Variants in SGCD observed in about 807,000 individuals in gnomAD.
SGCD encodes the protein delta-sarcoglycan.
SGCD carries 18 observed loss-of-function variants against 36.6 expected under a neutral mutation model. That is an observed-to-expected ratio of 0.49 (90% CI 0.34 to 0.73). The LOEUF (loss-of-function observed/expected upper bound fraction) is 0.73. Among genes scored for constraint, SGCD ranks in the 30% least tolerant of loss-of-function variants. The pLI is 0.01. For missense variants in SGCD, 387 were observed against 346.7 expected (o/e 1.12, Z -0.92); for synonymous variants, 133 against 130.6 (o/e 1.02, Z -0.12).
intron 3 of SGCD, among the ~76,000 whole-genome samples, chr5:156,346,820 C>T (rs547757336): frequency 1.7e-4 from 25 of 151,004 alleles, no homozygotes; most frequent in Admixed American, 5.9e-4. Context: ...TTTTGTGAGA[C>T]GGAGTCTTGC....
At chr5:156,653,942 G>A (rs1170287695) in intron 7 of SGCD, among the ~76,000 whole-genome samples, 1 of 152,052 alleles carries the variant, frequency 6.6e-6, no homozygotes, top group Non-Finnish European at 1.5e-5. Context: ...AGCAAAAGTG[G>A]TCCATTCTTC....
intron 1 of SGCD, among the ~76,000 whole-genome samples, chr5:156,027,069 A>AG: frequency 6.6e-6 from 1 of 152,138 alleles, no homozygotes; most frequent in African/African-American, 2.4e-5. Context: ...CTTGCTGTTA[A>AG]CCAGCAGTAT....
intron 3 of SGCD, among the ~76,000 whole-genome samples, chr5:156,163,254 T>C (rs1347161704): frequency 1.3e-5 from 2 of 151,608 alleles, no homozygotes; most frequent in Non-Finnish European, 2.9e-5. Flanking sequence ...GTTAAGATAT[T>C]CATATCAACT....
chr5:155,834,674 GT>G, the SGCD span, among the ~76,000 whole-genome samples: 1 of 152,096 alleles, frequency 6.6e-6, no homozygotes, highest in Non-Finnish European at 1.5e-5. Context: ...GCTTTTCACA[GT>G]TTAATGTTTT....
Position 156,762,027 on chromosome 5 carries a change from T to G in SGCD, c.*2637T>G, listed in dbSNP as rs566990709. The G allele has an allele frequency of 2.0e-4, 31 of 152,778 alleles. No homozygotes were observed. Among genetic ancestry groups the G allele is most frequent in the African/African-American group, 6.7e-4 (28 of 41,570 alleles). 9.5% of individuals were successfully genotyped at this position (152,778 alleles called of 1,614,324 possible). A position where few individuals can be genotyped will look rare whatever the true frequency, so the allele number is the denominator to read the frequency against. On this transcript the variant is annotated 3_prime_UTR_variant, in exon 9 of 9. Transcript: ENST00000337851. ...GGTATGCATTATAAGTTTCTCAATG[T>G]ACATCTTTTTATCCCAACACCCTCA...
At chr5:156,733,320 G>A (rs1358720456) in intron 7 of SGCD, among the ~76,000 whole-genome samples, 2 of 152,052 alleles carry the variant, frequency 1.3e-5, no homozygotes, top group East Asian at 3.9e-4. Context: ...GAGTCATTCA[G>A]GAGTATGTTG....
chr5:156,340,526 A>C (rs150732376), intron 2 of SGCD, among the ~76,000 whole-genome samples: 1 of 152,356 alleles, frequency 6.6e-6, no homozygotes, highest in Admixed American at 6.5e-5. Context: ...TTCAAACTAT[A>C]GGAACCACTA....
Position 156,741,628 on chromosome 5 carries a change from C to A in SGCD, c.576-15953C>A, listed in dbSNP as rs144449262. Among the ~76,000 whole-genome samples the A allele has an allele frequency of 2.0e-5, 3 of 152,158 alleles. No individual in the cohort carries two copies. The East Asian group carries it at 5.8e-4, about 29-fold the overall frequency. On this transcript the variant is annotated intron_variant, in intron 7 of 8. Coordinates refer to ENST00000337851, the MANE Select transcript of SGCD (RefSeq NM_000337.6). The stretch of plus-strand genomic sequence containing the variant: ...GCCGAAAACTACACATCTTCAAACA[C>A]GAGCTGTGAAACCATCTCAGAGGGT...
chr5:155,937,979 C>T (rs535211369), intron 1 of SGCD, among the ~76,000 whole-genome samples: 26 of 152,288 alleles, frequency 1.7e-4, no homozygotes, highest in African/African-American at 4.6e-4. Context: ...GATTTGAACC[C>T]GGCTTTGAAA....
intron 8 of SGCD, among the ~76,000 whole-genome samples, chr5:156,758,538 TAGTC>T (rs1416575482): frequency 6.6e-6 from 1 of 152,170 alleles, no homozygotes; most frequent in Non-Finnish European, 1.5e-5. Flanking sequence ...TTAGAAGAGA[TAGTC>T]AGAACATTCA....
intron 3 of SGCD, among the ~76,000 whole-genome samples, chr5:156,146,940 C>T (rs1581129185): frequency 6.6e-6 from 1 of 152,056 alleles, no homozygotes; most frequent in Non-Finnish European, 1.5e-5. Context: ...TCTTATTCAT[C>T]CTTAAAGACT....
intron 3 of SGCD, among the ~76,000 whole-genome samples, chr5:156,286,298 A>G (rs1191284321): frequency 6.6e-6 from 1 of 152,170 alleles, no homozygotes; most frequent in East Asian, 1.9e-4. Context: ...TAGAAATACC[A>G]TTTGACCCAG....
At chr5:155,920,244 A>C (rs1756845122) in intron 1 of SGCD, among the ~76,000 whole-genome samples, 1 of 152,180 alleles carries the variant, frequency 6.6e-6, no homozygotes, top group African/African-American at 2.4e-5. Flanking sequence ...GAAAAGATTA[A>C]TCTGTAAGCT....
intron 1 of SGCD, among the ~76,000 whole-genome samples, chr5:155,906,819 A>T (rs1270925509): frequency 1.5e-5 from 2 of 133,980 alleles, no homozygotes; most frequent in Non-Finnish European, 3.3e-5. Flanking sequence ...GCAAATGCTG[A>T]TGCAGAAGCT....
intron 3 of SGCD, among the ~76,000 whole-genome samples, chr5:156,150,131 A>G (rs918227829): frequency 6.6e-6 from 1 of 152,014 alleles, no homozygotes; most frequent in Non-Finnish European, 1.5e-5. Flanking sequence ...ATCCTTTAGG[A>G]AAGTCTTCAG....
chr5:156,181,918 T>C (rs1763618122), intron 3 of SGCD, among the ~76,000 whole-genome samples: 1 of 152,232 alleles, frequency 6.6e-6, no homozygotes, highest in African/African-American at 2.4e-5. Flanking sequence ...TGACTGAGCA[T>C]GTCATATGTA....
At chr5:156,734,044 ATCTT>A (rs1756221212) in intron 7 of SGCD, among the ~76,000 whole-genome samples, 1 of 152,054 alleles carries the variant, frequency 6.6e-6, no homozygotes, top group Non-Finnish European at 1.5e-5. Flanking sequence ...GCTGGTAATG[ATCTT>A]TCTTTTCCAT....
intron 4 of SGCD, among the ~76,000 whole-genome samples, chr5:156,561,060 G>A (rs1759246538): frequency 6.6e-6 from 1 of 151,162 alleles, no homozygotes; most frequent in South Asian, 2.1e-4. Context: ...GGAAAAAAAT[G>A]CACAGATACA....
chr5:156,366,032 T>C (rs184255518), intron 3 of SGCD, among the ~76,000 whole-genome samples: 143 of 152,330 alleles, frequency 9.4e-4, no homozygotes, highest in Admixed American at 2.2e-3. Context: ...AAAATGTTCT[T>C]AATAAATTTC....
Sources: allele counts gnomAD v4.1 joint callset (sites outside exome capture counted in the v4.1 genomes callset), GRCh38; gene constraint gnomAD v4.1.1; transcripts MANE v1.5; gene names NCBI Gene and HGNC (gene_info 2026-07-23, HGNC 2026-07-21).